Variants in ANK3 observed in about 807,000 individuals in gnomAD.
ANK3 encodes ankyrin-3.
In ANK3, 57 loss-of-function variants were observed where a neutral mutation model predicts 370.9. The ratio of observed to expected loss-of-function variants is 0.15; its 90% CI spans 0.12 to 0.19. ANK3 has a LOEUF of 0.19. Among genes scored for constraint, ANK3 ranks in the 10% least tolerant of loss-of-function variants. ANK3 has a pLI of 1.00. For synonymous variants in ANK3, 1,929 were observed against 1,946.3 expected, an observed-to-expected ratio of 0.99 and a Z score of 0.23; for missense variants, 4,439 against 5,302.1, an observed-to-expected ratio of 0.84 and a Z score of 5.06.
intron 7 of ANK3, among the ~76,000 whole-genome samples, chr10:60,240,299 TA>T (rs1423686885): frequency 0.027 from 2,700 of 101,790 alleles, 159 homozygotes; most frequent in African/African-American, 0.086. Context: ...TATATATATA[TA>T]TATATATTTT....
intron 2 of ANK3, among the ~76,000 whole-genome samples, chr10:60,551,567 G>A (rs917124335): frequency 4.6e-5 from 7 of 152,108 alleles, no homozygotes; most frequent in African/African-American, 1.7e-4. Context: ...TTGATTTGAA[G>A]TGTTATTTAC....
intron 2 of ANK3, among the ~76,000 whole-genome samples, chr10:60,434,558 C>G (rs566211751): frequency 6.6e-6 from 1 of 152,146 alleles, no homozygotes; most frequent in Non-Finnish European, 1.5e-5. Context: ...ATATAGAGAG[C>G]CTTAAATTCT....
At chr10:60,601,627 A>G (rs1257742833) in intron 2 of ANK3, among the ~76,000 whole-genome samples, 1 of 152,136 alleles carries the variant, frequency 6.6e-6, no homozygotes, top group East Asian at 1.9e-4. Flanking sequence ...GGAGACCTGG[A>G]TAATGGGTGG....
At chr10:60,673,380 C>T (rs570383320) in intron 1 of ANK3, among the ~76,000 whole-genome samples, 3 of 151,874 alleles carry the variant, frequency 2.0e-5, no homozygotes, top group African/African-American at 4.8e-5. Context: ...GACAGAGTTT[C>T]GCTCTTGCTG....
intron 1 of ANK3, among the ~76,000 whole-genome samples, chr10:60,697,793 T>C (rs1367505162): frequency 4.6e-5 from 7 of 152,108 alleles, no homozygotes; most frequent in Admixed American, 3.9e-4. Context: ...CCTAAAACTA[T>C]AAAAACCCTA....
chr10:60,353,044 C>T (rs1203809052), intron 1 of ANK3, among the ~76,000 whole-genome samples: 3 of 151,932 alleles, frequency 2.0e-5, no homozygotes, highest in Non-Finnish European at 2.9e-5. Flanking sequence ...AGTGCAGAGG[C>T]GTGATCTCGG....
chr10:60,396,455 T>G (rs1274673653), intron 2 of ANK3, among the ~76,000 whole-genome samples: 2 of 152,216 alleles, frequency 1.3e-5, no homozygotes, highest in South Asian at 2.1e-4. Context: ...ATATACTTAT[T>G]ACTGAAGATA....
intron 1 of ANK3, among the ~76,000 whole-genome samples, chr10:60,632,402 A>T (rs1046254141): frequency 6.6e-6 from 1 of 152,172 alleles, no homozygotes; most frequent in South Asian, 2.1e-4. Flanking sequence ...AAAAGAAAAA[A>T]AAAACAGATT....
rs115939820 is a variant in ANK3, at chr10:60,062,962, A to G, written c.12595+149T>C. On this transcript the variant is annotated intron_variant, in intron 40 of 43. Transcript: ENST00000280772. ...TATTTACCAAGTTTGCTCTGATATC[A>G]GAGTGTTTATTTGCAGACTCTGGCA... The G allele has an allele frequency of 1.2e-3, 823 of 715,528 alleles. 4 individuals are homozygous for G. The African/African-American group carries it at 0.014, about 12-fold the overall frequency. 44.3% of individuals were successfully genotyped at this position (715,528 alleles called of 1,614,324 possible). A position where few individuals can be genotyped will look rare whatever the true frequency, so the allele number is the denominator to read the frequency against.
chr10:60,340,037 C>T (rs752926116), intron 1 of ANK3, among the ~76,000 whole-genome samples: 2 of 152,312 alleles, frequency 1.3e-5, no homozygotes, highest in South Asian at 2.1e-4. Context: ...TTTCTGCATA[C>T]TTTCTCATTT....
chr10:60,419,804 T>C (rs1190377786), intron 2 of ANK3, among the ~76,000 whole-genome samples: 3 of 152,162 alleles, frequency 2.0e-5, no homozygotes, highest in African/African-American at 7.2e-5. Flanking sequence ...CAGACCTCAG[T>C]AAAACATCAA....
At chr10:60,452,334 C>G (rs191387089) in intron 2 of ANK3, among the ~76,000 whole-genome samples, 31 of 152,348 alleles carry the variant, frequency 2.0e-4, no homozygotes, top group African/African-American at 6.5e-4. Flanking sequence ...ACGAGAGTTG[C>G]TTCTATTGTG....
intron 1 of ANK3, among the ~76,000 whole-genome samples, chr10:60,294,423 A>T (rs2042088078): frequency 6.6e-6 from 1 of 152,120 alleles, no homozygotes; most frequent in African/African-American, 2.4e-5. Flanking sequence ...TATCATCCTA[A>T]AATGTTGGCC....
chr10:60,718,522 T>C (rs932261911), intron 1 of ANK3, among the ~76,000 whole-genome samples: 1 of 151,294 alleles, frequency 6.6e-6, no homozygotes, highest in Non-Finnish European at 1.5e-5. Flanking sequence ...GCTTCAAACA[T>C]AGAAGGAAAA....
chr10:60,225,664 C>T (rs2097128166), intron 8 of ANK3, among the ~76,000 whole-genome samples: 1 of 152,016 alleles, frequency 6.6e-6, no homozygotes, highest in South Asian at 2.1e-4. Flanking sequence ...GTTCTACTGC[C>T]ATACCGCCTA....
chr10:60,722,043 C>T (rs1012072197), intron 1 of ANK3, among the ~76,000 whole-genome samples: 3 of 151,712 alleles, frequency 2.0e-5, no homozygotes, highest in Admixed American at 2.0e-4. Flanking sequence ...TAATTTCTGG[C>T]TGATCAGTTA....
chr10:60,697,482 C>A (rs1192091801), intron 1 of ANK3, among the ~76,000 whole-genome samples: 1 of 150,912 alleles, frequency 6.6e-6, no homozygotes, highest in Non-Finnish European at 1.5e-5. Flanking sequence ...CTGGAGGCAT[C>A]ACGCTACCTG....
Position 60,072,765 on chromosome 10 carries a change from A to T in ANK3, c.8116T>A (p.Ser2706Thr), listed in dbSNP as rs967346751. 3.7e-6 allele frequency: 6 copies of T among 1,613,996 alleles called. No individual in the cohort carries two copies. The East Asian group carries it at 1.3e-4, about 36-fold the overall frequency. The change falls in exon 37 of 44, where the codon TCT (serine) becomes ACT (threonine). Residue 2706 changes from serine to threonine, a missense_variant. Ser to Thr is a moderately conservative substitution (Grantham distance 58, BLOSUM62 1). Transcript: ENST00000280772. ...TTAGATTGTTTGAGCTGGAATCCAGACTGGGGCCCATCTGGTGCTTTGCTC... is the reference window on the plus strand; with the variant it reads ...TTAGATTGTTTGAGCTGGAATCCAGTCTGGGGCCCATCTGGTGCTTTGCTC... ...SQSKAPDGPQ[S>T]GFQLKQSKLS...
chr10:60,290,950 C>T (rs1346090741), intron 1 of ANK3, among the ~76,000 whole-genome samples: 1 of 152,154 alleles, frequency 6.6e-6, no homozygotes, highest in Non-Finnish European at 1.5e-5. Flanking sequence ...ATACCCTCAT[C>T]CAGTCTGTCC....
Sources: gnomAD v4.1 joint callset for allele counts (sites outside exome capture counted in the v4.1 genomes callset) on GRCh38, gnomAD v4.1.1 for gene constraint, MANE v1.5 for transcripts, NCBI Gene and HGNC (gene_info 2026-07-23, HGNC 2026-07-21) for gene names.